Variants in ALK observed in about 807,000 individuals in gnomAD.
ALK encodes ALK receptor tyrosine kinase.
Under a neutral mutation model 163.1 loss-of-function variants are expected in ALK, and 74 were observed. The observed-to-expected ratio is 0.45, with a 90% CI of 0.38 to 0.55. The LOEUF (loss-of-function observed/expected upper bound fraction) is 0.55, where lower values mean the gene tolerates loss of function less well. ALK is among the 20% of genes least tolerant of loss of function. The pLI, the probability that ALK is intolerant of heterozygous loss-of-function variation, is 0.00. For missense variants in ALK, 2,063 were observed against 2,105.3 expected, an observed-to-expected ratio of 0.98 and a Z score of 0.39; for synonymous variants, 960 against 843.2, an observed-to-expected ratio of 1.14 and a Z score of -2.40.
At chr2:29,325,601 G>A (rs778045758) in intron 6 of ALK, among the ~76,000 whole-genome samples, 4 of 152,196 alleles carry the variant, frequency 2.6e-5, no homozygotes, top group Non-Finnish European at 5.9e-5. Flanking sequence ...GCTTATCATA[G>A]CTAAGTGCTG....
intron 3 of ALK, among the ~76,000 whole-genome samples, chr2:29,620,783 TAAGA>T: frequency 6.6e-6 from 1 of 152,256 alleles, no homozygotes; most frequent in African/African-American, 2.4e-5. Context: ...GTATAAACAC[TAAGA>T]AATAATAACC....
Position 29,223,547 on chromosome 2 carries a change from C to G in ALK, c.3173-19G>C, listed in dbSNP as rs1669868768. 2 of 1,611,800 alleles carry G rather than the reference C, an allele frequency of 1.2e-6. No homozygotes were observed. The highest frequency in any genetic ancestry group is 2.7e-5 in the African/African-American group (2 of 74,898). ...CGGTACACTGCAGGTGGGTGGTCAG[C>G]TGCAACATGGCCTGGCAGCCTGGCC... On this transcript the variant is annotated intron_variant, in intron 19 of 28. Transcript: ENST00000389048.
chr2:29,695,047 C>A (rs771586712), intron 2 of ALK, 33 bp from the exon 3 acceptor site: 11 of 1,613,594 alleles, frequency 6.8e-6, no homozygotes, highest in East Asian at 4.5e-5. Flanking sequence ...ATGGAAAAAA[C>A]CATTTCCCAA....
At chr2:29,688,015 C>A (rs1678287471) in intron 3 of ALK, among the ~76,000 whole-genome samples, 1 of 152,164 alleles carries the variant, frequency 6.6e-6, no homozygotes. Flanking sequence ...GAAATGGAAA[C>A]AAGAATTTCT....
At chr2:29,245,719 G>A (rs571256189) in intron 12 of ALK, among the ~76,000 whole-genome samples, 5 of 144,404 alleles carry the variant, frequency 3.5e-5, no homozygotes, top group Non-Finnish European at 6.0e-5. Flanking sequence ...ACACAGCAGG[G>A]CTCCATGGCT....
intron 1 of ALK, among the ~76,000 whole-genome samples, chr2:29,754,507 T>C (rs751899803): frequency 1.4e-4 from 21 of 152,184 alleles, no homozygotes; most frequent in Admixed American, 7.2e-4. Flanking sequence ...TGTTCCAACA[T>C]AGGGGGACTC....
In ALK at chr2:29,449,744, C is replaced by T. The variant is rs534266221; in HGVS notation, c.1155-65885G>A. 2.0e-5 allele frequency among the ~76,000 whole-genome samples: 3 copies of T among 152,326 alleles called. No homozygotes were observed. In the East Asian group the frequency reaches 5.8e-4, roughly 29 times the overall value. On this transcript the variant is annotated intron_variant, in intron 4 of 28. Transcript: ENST00000389048. ...TCTTATCTCAGAACCCCCATCTGTTCTGTAGAGGCATGGATTGCCAAAGGA... is the reference window on the plus strand; with the variant it reads ...TCTTATCTCAGAACCCCCATCTGTTTTGTAGAGGCATGGATTGCCAAAGGA...
intron 1 of ALK, among the ~76,000 whole-genome samples, chr2:29,785,915 AC>A (rs1278654661): frequency 6.0e-4 from 1 of 1,672 alleles, no homozygotes; most frequent in African/African-American, 6.9e-4. Context: ...TTGAGTATAC[AC>A]ACACACACAC....
chr2:29,906,688 C>A (rs1667556054), intron 1 of ALK, among the ~76,000 whole-genome samples: 1 of 152,166 alleles, frequency 6.6e-6, no homozygotes, highest in Non-Finnish European at 1.5e-5. Flanking sequence ...TCTGACCTCT[C>A]TGAGCATCAG....
rs75967362 is a variant in ALK at position 29,627,621 on chromosome 2, A to C, written c.952+67229T>G. On this transcript the variant is annotated intron_variant, in intron 3 of 28. Coordinates refer to ENST00000389048, the MANE Select transcript of ALK (RefSeq NM_004304.5). ...AGACAGGAATGAGGAGGCGTGAGTC[A>C]TGTCTTGTTTGTTACAACAGGAAGA... Among the ~76,000 whole-genome samples the C allele has an allele frequency of 5.1e-3, 784 of 152,296 alleles. 8 individuals are homozygous for C. Among genetic ancestry groups the C allele is most frequent in the African/African-American group, 0.017 (690 of 41,560 alleles).
intron 5 of ALK, among the ~76,000 whole-genome samples, chr2:29,360,375 G>A (rs966341016): frequency 6.6e-6 from 1 of 152,128 alleles, no homozygotes; most frequent in African/African-American, 2.4e-5. Flanking sequence ...CCTGCCCTTG[G>A]TCAGCTAATC....
intron 15 of ALK, among the ~76,000 whole-genome samples, chr2:29,230,320 G>C (rs1327952466): frequency 6.9e-6 from 1 of 145,614 alleles, no homozygotes; most frequent in Non-Finnish European, 1.5e-5. Context: ...TTTTTGATCT[G>C]TGGTTGGTTG....
intron 8 of ALK, among the ~76,000 whole-genome samples, chr2:29,312,079 G>A (rs552358325): frequency 2.3e-4 from 35 of 152,094 alleles, no homozygotes; most frequent in African/African-American, 7.9e-4. Flanking sequence ...CAATAGTTGG[G>A]AGAGGGGTGT....
intron 8 of ALK, among the ~76,000 whole-genome samples, chr2:29,308,039 G>C (rs1018539007): frequency 2.1e-5 from 3 of 144,230 alleles, no homozygotes; most frequent in African/African-American, 7.6e-5. Context: ...AAAGTTACAA[G>C]TTTTTTTTTT....
chr2:29,810,899 C>T (rs5007106), intron 1 of ALK, among the ~76,000 whole-genome samples: 5,147 of 152,052 alleles, frequency 0.034, 305 homozygotes, highest in African/African-American at 0.12. Flanking sequence ...TTTCTCTCTG[C>T]ACACTCTCAG....
At chr2:29,220,597 C>T in intron 23 of ALK, 109 bp downstream of exon 23, 1 of 1,515,652 alleles carries the variant, frequency 6.6e-7, no homozygotes, top group Middle Eastern at 2.3e-4. Flanking sequence ...AAAGTTGACA[C>T]CCTGGGTTCC....
At chr2:29,414,340 T>G in intron 4 of ALK, among the ~76,000 whole-genome samples, 2 of 152,354 alleles carry the variant, frequency 1.3e-5, no homozygotes, top group South Asian at 2.1e-4. Context: ...ACCACTTAGC[T>G]AAACTCTTTC....
At chr2:29,464,821 A>T (rs1671169237) in intron 4 of ALK, among the ~76,000 whole-genome samples, 1 of 152,206 alleles carries the variant, frequency 6.6e-6, no homozygotes, top group Admixed American at 6.5e-5. Flanking sequence ...AACTAGCACC[A>T]AGTGTTAATA....
At chr2:29,524,465 T>C (rs1470852806) in intron 4 of ALK, among the ~76,000 whole-genome samples, 1 of 152,244 alleles carries the variant, frequency 6.6e-6, no homozygotes, top group Non-Finnish European at 1.5e-5. Context: ...TCTGTTTCCC[T>C]GTGTTACCCA....
Sources: gnomAD v4.1 joint callset for allele counts (sites outside exome capture counted in the v4.1 genomes callset) on GRCh38, gnomAD v4.1.1 for gene constraint, MANE v1.5 for transcripts, NCBI Gene and HGNC (gene_info 2026-07-23, HGNC 2026-07-21) for gene names.